Variants in FBN2 observed in about 807,000 individuals in gnomAD.
The protein encoded by FBN2 is fibrillin-2.
In FBN2, 105 loss-of-function variants were observed where a neutral mutation model predicts 355.6. The ratio of observed to expected loss-of-function variants is 0.30; its 90% CI spans 0.25 to 0.35. The LOEUF (loss-of-function observed/expected upper bound fraction) is 0.35. FBN2 is among the 10% of genes least tolerant of loss of function. The probability of loss-of-function intolerance (pLI) is 1.00; values close to 1 mark genes in which losing one functional copy is unlikely to be tolerated. For synonymous variants in FBN2, 1,350 were observed against 1,301.2 expected, an observed-to-expected ratio of 1.04 and a Z score of -0.81; for missense variants, 3,280 against 3,758.7, an observed-to-expected ratio of 0.87 and a Z score of 3.33.
intron 9 of FBN2, among the ~76,000 whole-genome samples, chr5:128,393,925 CAAGA>C (rs780741994): frequency 1.6e-3 from 248 of 152,212 alleles, no homozygotes; most frequent in Non-Finnish European, 2.1e-3. Context: ...TAAAGAGAAG[CAAGA>C]AGATAGCAAT....
At position 128,263,449 on chromosome 5, in the gene FBN2, G is replaced by A. The variant is rs746473847; in HGVS notation, c.8168C>T (p.Pro2723Leu). The A allele has an allele frequency of 1.7e-5, 27 of 1,613,646 alleles. 1 individual carries two copies. Among genetic ancestry groups the A allele is most frequent in the Middle Eastern group, 3.3e-4 (2 of 6,060 alleles). The change falls in exon 63 of 65, where the codon CCT (proline) becomes CTT (leucine). Residue 2723 changes from proline (P) to leucine (L), a missense_variant. This residue lies in a region of FBN2 where 311 missense variants were observed against 319.1 expected (regional missense o/e 0.97). Transcript: ENST00000262464. Reference protein sequence around the residue: ...TEGGYLCGCPPGYYRVGQGHC... With the variant: ...TEGGYLCGCPLGYYRVGQGHC... ...CCCTTGTCCCACTCTGTAATACCCA[G>A]GGGGGCAGCCACAGAGGTAGCCCCC...
intron 6 of FBN2, among the ~76,000 whole-genome samples, chr5:128,453,784 T>C (rs1754317102): frequency 6.6e-6 from 1 of 152,184 alleles, no homozygotes; most frequent in Non-Finnish European, 1.5e-5. Flanking sequence ...GGCATAGTCC[T>C]GAAACAGTTT....
intron 5 of FBN2, among the ~76,000 whole-genome samples, chr5:128,519,057 T>A (rs1756360245): frequency 6.6e-6 from 1 of 152,102 alleles, no homozygotes; most frequent in Non-Finnish European, 1.5e-5. Flanking sequence ...AGCCCCAGAG[T>A]TGGCCGCCCA....
chr5:128,393,947 T>C (rs1166333447), intron 9 of FBN2, among the ~76,000 whole-genome samples: 3 of 152,198 alleles, frequency 2.0e-5, no homozygotes, highest in African/African-American at 7.2e-5. Context: ...AATTGCCTTA[T>C]TGCCTTAACT....
chr5:128,474,820 T>C (rs932204795), intron 5 of FBN2, among the ~76,000 whole-genome samples: 2 of 152,220 alleles, frequency 1.3e-5, no homozygotes, highest in Non-Finnish European at 2.9e-5. Context: ...TCTAAGCAAC[T>C]GTGCTGAGAT....
intron 23 of FBN2, among the ~76,000 whole-genome samples, chr5:128,345,786 T>C (rs542809715): frequency 2.0e-5 from 3 of 152,320 alleles, no homozygotes; most frequent in East Asian, 3.9e-4. Context: ...TCTTCAGTCT[T>C]AATTCTCACA....
At chr5:128,330,545 C>T (rs766323054) in intron 33 of FBN2, 28 bp downstream of exon 33, 2 of 1,613,594 alleles carry the variant, frequency 1.2e-6, no homozygotes, top group Admixed American at 1.7e-5. Context: ...ACCATCCCGT[C>T]AGAGCACACC....
chr5:128,373,007 A>T (rs1235088405), intron 15 of FBN2, among the ~76,000 whole-genome samples: 1 of 152,236 alleles, frequency 6.6e-6, no homozygotes, highest in Non-Finnish European at 1.5e-5. Flanking sequence ...AGCATGTTAT[A>T]GAAACAGTAA....
chr5:128,297,049 G>T (rs888556935), intron 48 of FBN2, among the ~76,000 whole-genome samples: 1 of 151,948 alleles, frequency 6.6e-6, no homozygotes, highest in Non-Finnish European at 1.5e-5. Flanking sequence ...CTTTGTTCTC[G>T]CTGGTTTCAA....
At chr5:128,277,296 T>G (rs983731568) in intron 58 of FBN2, among the ~76,000 whole-genome samples, 3 of 152,098 alleles carry the variant, frequency 2.0e-5, no homozygotes, top group African/African-American at 7.2e-5. Context: ...TAGGTGTGAG[T>G]GAGACAATAA....
intron 13 of FBN2, 137 bp downstream of exon 13, chr5:128,377,615 T>C: frequency 1.1e-6 from 1 of 918,454 alleles, no homozygotes; most frequent in East Asian, 2.4e-5. Context: ...TTATATTAAA[T>C]GCATTTGCAT....
chr5:128,522,742 A>G (rs1581369173), intron 4 of FBN2, among the ~76,000 whole-genome samples: 1 of 152,214 alleles, frequency 6.6e-6, no homozygotes. Flanking sequence ...ACAAAAGAAC[A>G]TATTTTTTTG....
At chr5:128,402,301 A>G (rs907680731) in intron 8 of FBN2, among the ~76,000 whole-genome samples, 4 of 152,176 alleles carry the variant, frequency 2.6e-5, no homozygotes, top group African/African-American at 7.2e-5. Context: ...AATGCTTGCT[A>G]TATGTTTAAC....
intron 7 of FBN2, among the ~76,000 whole-genome samples, chr5:128,440,642 C>A (rs1361893403): frequency 2.0e-5 from 3 of 152,194 alleles, no homozygotes; most frequent in Non-Finnish European, 4.4e-5. Flanking sequence ...AGGGCCAAGC[C>A]ATATCAACTA....
At chr5:128,426,816 G>C (rs1023947998) in intron 7 of FBN2, among the ~76,000 whole-genome samples, 2 of 152,094 alleles carry the variant, frequency 1.3e-5, no homozygotes, top group Non-Finnish European at 2.9e-5. Context: ...CAGGTACTAG[G>C]AACGAAGATC....
intron 7 of FBN2, among the ~76,000 whole-genome samples, chr5:128,409,430 A>G (rs903198244): frequency 2.0e-5 from 3 of 152,182 alleles, no homozygotes; most frequent in Non-Finnish European, 4.4e-5. Context: ...AGCATACTCA[A>G]TGCTGGAAAT....
intron 5 of FBN2, among the ~76,000 whole-genome samples, chr5:128,518,895 A>C (rs2112787022): frequency 6.6e-6 from 1 of 152,304 alleles, no homozygotes; most frequent in South Asian, 2.1e-4. Flanking sequence ...AGGACAATTT[A>C]TGTCAGATTT....
Position 128,334,863 on chromosome 5 carries a change from A to T in FBN2, c.3974-19T>A, listed in dbSNP as rs112950479. The T allele has an allele frequency of 3.8e-6, 6 of 1,595,304 alleles. No individual in the cohort carries two copies. Among genetic ancestry groups the T allele is most frequent in the Non-Finnish European group, 5.2e-6 (6 of 1,163,062 alleles). Reference sequence around the variant, plus strand: ...TTGACATCTAGAAAATTTATTTTCAATATCTTAGTATGTGCTCATCACAGT... The same window carrying T: ...TTGACATCTAGAAAATTTATTTTCATTATCTTAGTATGTGCTCATCACAGT... On this transcript the variant is annotated intron_variant, in intron 30 of 64. Transcript: ENST00000262464.
chr5:128,303,169 T>TA, intron 45 of FBN2, 80 bp from the exon 46 acceptor site: 1 of 829,660 alleles, frequency 1.2e-6, no homozygotes, highest in South Asian at 1.3e-5. Context: ...ATGTTTAACT[T>TA]ATGGAATTAC....
Sources: allele counts gnomAD v4.1 joint callset (sites outside exome capture counted in the v4.1 genomes callset), GRCh38; gene constraint gnomAD v4.1.1; regional missense constraint gnomAD v4.1.1; transcripts MANE v1.5; gene names NCBI Gene and HGNC (gene_info 2026-07-23, HGNC 2026-07-21).